WSB2: variants seen among roughly 807,000 people sequenced by gnomAD.
WSB2 encodes the protein WD repeat and SOCS box-containing protein 2.
Under a neutral mutation model 48.8 loss-of-function variants are expected in WSB2, and 12 were observed. The ratio of observed to expected loss-of-function variants is 0.25; its 90% confidence interval spans 0.16 to 0.40. WSB2 has a LOEUF of 0.40. Among genes scored for constraint, WSB2 ranks in the 10% least tolerant of loss-of-function variants. The pLI is 1.00. For missense variants in WSB2, 317 were observed against 506.2 expected (o/e 0.63, Z 3.59); for synonymous variants, 191 against 203.1 (o/e 0.94, Z 0.51).
chr12:118,034,583 G>GTCTCTCTCTCTCTCTCTCTCTCTCTC, intron 8 of WSB2: 1 of 537,440 alleles, frequency 1.9e-6, no homozygotes, highest in Non-Finnish European at 3.2e-6. Context: ...CGCTCTCTCT[G>GTCTCTCTCTCTCTCTCTCTCTCTCTC]TCTCTCTCTC....
chr12:118,042,672 T>C, intron 4 of WSB2, 169 bp downstream of exon 4: 1 of 958,034 alleles, frequency 1.0e-6, no homozygotes, highest in Non-Finnish European at 1.5e-6. Flanking sequence ...GTATTATCTT[T>C]GGGGCGGGCA....
chr12:118,034,969 A>G lies in WSB2; in HGVS notation c.1052+17T>C. 4 of 1,610,574 alleles carry G rather than the reference A, an allele frequency of 2.5e-6. No homozygotes were observed. Among genetic ancestry groups the G allele is most frequent in the Non-Finnish European group, 3.4e-6 (4 of 1,176,744 alleles). ...AGCAGAAAGCACCACCCATCTGTTCAGCTAACAAATACATACCCTGTGGCA... is the reference window on the plus strand; with the variant it reads ...AGCAGAAAGCACCACCCATCTGTTCGGCTAACAAATACATACCCTGTGGCA... On this transcript the variant is annotated intron_variant, in intron 8 of 8. Transcript: ENST00000315436.
chr12:118,054,693 T>TAAC (rs1326430054), intron 1 of WSB2, among the ~76,000 whole-genome samples: 1 of 113,060 alleles, frequency 8.8e-6, no homozygotes, highest in Non-Finnish European at 2.2e-5. Flanking sequence ...ATAATAATAA[T>TAAC]AATAATAATA....
chr12:118,034,035 T>A lies in WSB2; in HGVS notation c.*161A>T. 2.1e-6 allele frequency: 2 copies of A among 935,826 alleles called. No individual in the cohort carries two copies. Among genetic ancestry groups the A allele is most frequent in the Non-Finnish European group, 3.2e-6 (2 of 617,414 alleles). The allele number at this position is 935,826 out of a possible 1,614,324, so 58.0% of individuals were successfully genotyped here. A position where few individuals can be genotyped will look rare whatever the true frequency, so the allele number is the denominator to read the frequency against. On this transcript the variant is annotated 3_prime_UTR_variant, in exon 9 of 9. Transcript: ENST00000315436. ...CTTTCACATGCCAGGGAGAGAAAGA[T>A]CCATGACTAGTACACTGGAATCTGG... is the stretch of plus-strand genomic sequence containing the variant.
chr12:118,048,360 G>A (rs535143043), intron 2 of WSB2, among the ~76,000 whole-genome samples: 17 of 152,256 alleles, frequency 1.1e-4, no homozygotes, highest in Non-Finnish European at 1.6e-4. Context: ...GGCCAAGGCA[G>A]GTAGATCCCT....
At chr12:118,057,636 A>G (rs903741739) in intron 1 of WSB2, among the ~76,000 whole-genome samples, 1 of 152,178 alleles carries the variant, frequency 6.6e-6, no homozygotes, top group Non-Finnish European at 1.5e-5. Flanking sequence ...ATGTTTTGAT[A>G]TATGTATACA....
intron 2 of WSB2, among the ~76,000 whole-genome samples, chr12:118,048,310 A>G (rs2031783837): frequency 6.6e-6 from 1 of 151,454 alleles, no homozygotes; most frequent in African/African-American, 2.4e-5. Flanking sequence ...TGATTTTGCC[A>G]GGTGCAATGG....
At chr12:118,044,555 A>T (rs1030548927) in intron 2 of WSB2, among the ~76,000 whole-genome samples, 3 of 152,196 alleles carry the variant, frequency 2.0e-5, no homozygotes, top group Non-Finnish European at 4.4e-5. Flanking sequence ...CCGCACAAGG[A>T]TCAAACAGCA....
chr12:118,042,546 C>T, intron 4 of WSB2: 1 of 272,470 alleles, frequency 3.7e-6, no homozygotes, highest in Non-Finnish European at 6.8e-6. Flanking sequence ...CATTTTTTTA[C>T]ATACAAAGCA....
At chr12:118,062,036 G>C (rs2032081140), upstream of WSB2, 1 of 1,480,120 alleles carries the variant, frequency 6.8e-7, no homozygotes, top group Non-Finnish European at 9.1e-7. Context: ...ACCGGAGTGG[G>C]GGTGGGAACG....
chr12:118,042,759 T>C (rs997609898), intron 4 of WSB2, 82 bp downstream of exon 4: 11 of 1,544,882 alleles, frequency 7.1e-6, no homozygotes, highest in Non-Finnish European at 9.6e-6. Context: ...AACACTGTTT[T>C]AGATAAAAAT....
intron 1 of WSB2, among the ~76,000 whole-genome samples, chr12:118,058,031 T>C (rs1264243647): frequency 1.3e-5 from 2 of 151,836 alleles, no homozygotes; most frequent in African/African-American, 4.8e-5. Flanking sequence ...GCATGAGCCA[T>C]TGCACCTGGC....
At chr12:118,052,102 T>C (rs1044400936) in intron 2 of WSB2, among the ~76,000 whole-genome samples, 8 of 152,136 alleles carry the variant, frequency 5.3e-5, no homozygotes, top group African/African-American at 1.9e-4. Flanking sequence ...TCAATAAAGC[T>C]ATGGGAAAAA....
At chr12:118,047,866 A>G (rs770979160) in intron 2 of WSB2, among the ~76,000 whole-genome samples, 11 of 152,240 alleles carry the variant, frequency 7.2e-5, no homozygotes, top group Non-Finnish European at 1.3e-4. Context: ...TTTTGTGTAT[A>G]TACACAAATG....
intron 1 of WSB2, among the ~76,000 whole-genome samples, chr12:118,056,794 G>A (rs1002985410): frequency 1.3e-5 from 2 of 151,900 alleles, no homozygotes; most frequent in Admixed American, 1.3e-4. Context: ...GCAGCTACTC[G>A]GGAGGCTGAG....
chr12:118,047,841 C>T lies in WSB2; in HGVS notation c.183-4464G>A, dbSNP rs964519113. Among the ~76,000 whole-genome samples, 7 of 152,224 alleles carry T rather than the reference C, an allele frequency of 4.6e-5. No individual in the cohort carries two copies. The East Asian group carries it at 9.6e-4, about 21-fold the overall frequency. ...ATAATCCTAACACCACCATTCTAAA[C>T]GTCTCACTATAAATTTTTGTGTATA... On this transcript the variant is annotated intron_variant, in intron 2 of 8. Coordinates refer to ENST00000315436, the MANE Select transcript of WSB2 (RefSeq NM_018639.5).
chr12:118,059,624 C>G (rs911726747), intron 1 of WSB2, among the ~76,000 whole-genome samples: 1 of 152,100 alleles, frequency 6.6e-6, no homozygotes, highest in Non-Finnish European at 1.5e-5. Context: ...TTAGGAAAAC[C>G]CCAGAACTGG....
chr12:118,043,330 G>A lies in WSB2; in HGVS notation c.230C>T (p.Thr77Met), dbSNP rs747308202. 1.9e-5 allele frequency: 30 copies of A among 1,598,224 alleles called. No individual in the cohort carries two copies. Among genetic ancestry groups the A allele is most frequent in the African/African-American group, 9.4e-5 (7 of 74,226 alleles). ...CTCTTTTGGGCTGCCCCGCCCTTTC[G>A]TCTCATTTTTGCTACTTCGGCTTTT... ...EAKSRSSKNE[T>M]KGRGSPKEKT... Residue 77 changes from threonine (T) to methionine (M), a missense_variant, in exon 3 of 9, where the codon ACG (threonine) becomes ATG (methionine). Thr to Met is a moderately conservative substitution (Grantham distance 81, BLOSUM62 -1). Transcript: ENST00000315436.
In WSB2 at chr12:118,036,159, G is replaced by A. The variant is rs553255126; in HGVS notation, c.833+179C>T. 65 of 678,176 alleles carry A rather than the reference G, an allele frequency of 9.6e-5. No individual in the cohort carries two copies. The East Asian group carries it at 1.1e-3, about 11-fold the overall frequency. The allele number at this position is 678,176 out of a possible 1,614,324, so 42.0% of individuals were successfully genotyped here. A position where few individuals can be genotyped will look rare whatever the true frequency, so the allele number is the denominator to read the frequency against. ...GGAGGTTGCAGTGATCCAAGATTGC[G>A]CCACTGCACTCCAGCCTGGGTGACA... On this transcript the variant is annotated intron_variant, in intron 6 of 8. Coordinates refer to ENST00000315436, the MANE Select transcript of WSB2 (RefSeq NM_018639.5).
Sources: allele counts gnomAD v4.1 joint callset (sites outside exome capture counted in the v4.1 genomes callset), GRCh38; gene constraint gnomAD v4.1.1; transcripts MANE v1.5; gene names NCBI Gene and HGNC (gene_info 2026-07-23, HGNC 2026-07-21).